The following IGSF10 variants were observed in gnomAD, a reference collection of about 807,000 sequenced individuals.
IGSF10 encodes immunoglobulin superfamily member 10.
In IGSF10, 126 loss-of-function variants were observed where a neutral mutation model predicts 128.2. The ratio of observed to expected loss-of-function variants is 0.98; its 90% CI spans 0.85 to 1.14. IGSF10 has a LOEUF of 1.14. Among genes scored for constraint, IGSF10 ranks in the 50% most tolerant of loss-of-function variants. The probability of loss-of-function intolerance (pLI) is 0.00; values close to 1 mark genes in which losing one functional copy is unlikely to be tolerated. For synonymous variants in IGSF10, 1,185 were observed against 1,146.2 expected, an observed-to-expected ratio of 1.03 and a Z score of -0.68; for missense variants, 3,295 against 3,149.8, an observed-to-expected ratio of 1.05 and a Z score of -1.10.
At chr3:151,551,442 C>T in the IGSF10 span, among the ~76,000 whole-genome samples, 1 of 151,860 alleles carries the variant, frequency 6.6e-6, no homozygotes, top group Non-Finnish European at 1.5e-5. Context: ...TTTGCATCAC[C>T]TCAATAACGC....
At chr3:151,504,293 C>T in the IGSF10 span, among the ~76,000 whole-genome samples, 3 of 152,204 alleles carry the variant, frequency 2.0e-5, no homozygotes, top group East Asian at 5.8e-4. Flanking sequence ...CATAATTTTT[C>T]TCACTGTTAT....
the IGSF10 span, among the ~76,000 whole-genome samples, chr3:151,544,018 T>C: frequency 6.6e-6 from 1 of 152,180 alleles, no homozygotes; most frequent in African/African-American, 2.4e-5. Flanking sequence ...CAAGCAATTC[T>C]CCTGCCTCAG....
the IGSF10 span, among the ~76,000 whole-genome samples, chr3:151,481,123 G>T: frequency 6.6e-6 from 1 of 152,100 alleles, no homozygotes; most frequent in Non-Finnish European, 1.5e-5. Flanking sequence ...AGATCCAGAG[G>T]CTCTGCTGAC....
the IGSF10 span, among the ~76,000 whole-genome samples, chr3:151,597,434 A>G: frequency 6.6e-6 from 1 of 152,228 alleles, no homozygotes; most frequent in Non-Finnish European, 1.5e-5. Flanking sequence ...AGGATAAGTA[A>G]ATAAAGATGA....
At chr3:151,608,672 C>A in the IGSF10 span, among the ~76,000 whole-genome samples, 2 of 152,102 alleles carry the variant, frequency 1.3e-5, no homozygotes, top group Non-Finnish European at 2.9e-5. Context: ...GTCCTTCAGT[C>A]CTTCTTTTAT....
the IGSF10 span, among the ~76,000 whole-genome samples, chr3:151,542,583 C>T: frequency 6.6e-6 from 1 of 152,018 alleles, no homozygotes; most frequent in Non-Finnish European, 1.5e-5. Context: ...ACATTTCTTT[C>T]CTTGTTTTTC....
chr3:151,496,556 G>GGGTATATGTGCCACA, the IGSF10 span, among the ~76,000 whole-genome samples: 1 of 34,908 alleles, frequency 2.9e-5, no homozygotes, highest in Non-Finnish European at 5.1e-5. Flanking sequence ...GTATTCCATG[G>GGGTATATGTGCCACA]TTTCCTTAAT....
the IGSF10 span, among the ~76,000 whole-genome samples, chr3:151,558,027 A>ATATATATAT: frequency 3.8e-5 from 2 of 52,932 alleles, no homozygotes; most frequent in Non-Finnish European, 6.7e-5. Flanking sequence ...TAATATATAT[A>ATATATATAT]TTGGTACAAT....
chr3:151,539,728 T>C, the IGSF10 span, among the ~76,000 whole-genome samples: 2 of 152,274 alleles, frequency 1.3e-5, no homozygotes, highest in East Asian at 3.9e-4. Context: ...TGATTATTCT[T>C]AGGCTGTAAT....
chr3:151,510,711 T>C, the IGSF10 span, among the ~76,000 whole-genome samples: 11 of 151,974 alleles, frequency 7.2e-5, no homozygotes, highest in South Asian at 1.0e-3. Flanking sequence ...AGTTAAAAAC[T>C]TTGAAAAAAA....
At chr3:151,501,483 GATT>G in the IGSF10 span, among the ~76,000 whole-genome samples, 1 of 151,970 alleles carries the variant, frequency 6.6e-6, no homozygotes, top group Non-Finnish European at 1.5e-5. Context: ...TGGTACCCGA[GATT>G]ATTATCATTC....
Position 151,437,511 on chromosome 3 carries a change from CTG to C in IGSF10, c.7048_7049del (p.Gln2350AlafsTer12). On this transcript the variant is annotated frameshift_variant, in exon 8 of 8. Transcript: ENST00000282466. LOFTEE classifies it low-confidence loss of function (END_TRUNC). ...AATTCAATGCTGTGGACTTTCCCAG[CTG>C]GGCAACTATTTTTTCATTAAATGGA... Reference protein sequence around the residue: ...RNPFNEKIVAQLGKSTALNCS... With the variant: ...RNPFNEKIVAXLGKSTALNCS... 2.5e-6 allele frequency: 4 copies of C among 1,614,170 alleles called. No individual in the cohort carries two copies. Among genetic ancestry groups the C allele is most frequent in the Non-Finnish European group, 3.4e-6 (4 of 1,180,036 alleles).
At chr3:151,497,443 C>T in the IGSF10 span, among the ~76,000 whole-genome samples, 4 of 152,126 alleles carry the variant, frequency 2.6e-5, no homozygotes, top group Admixed American at 2.6e-4. Flanking sequence ...ATCCCTTCCC[C>T]ATTGCTTGTT....
chr3:151,466,235 G>C, the IGSF10 span, among the ~76,000 whole-genome samples: 1 of 152,022 alleles, frequency 6.6e-6, no homozygotes, highest in African/African-American at 2.4e-5. Flanking sequence ...GAAATACCAG[G>C]TGACCAGGCG....
At chr3:151,435,009 A>ATTACT (rs894900328), downstream of IGSF10, 2 of 150,910 alleles carry the variant, frequency 1.3e-5, no homozygotes, top group Non-Finnish European at 2.9e-5. Context: ...AATAACTAGA[A>ATTACT]TTACTTTAGT....
At position 151,441,933 on chromosome 3, in the gene IGSF10, T is replaced by C. The variant is rs370054706; in HGVS notation, c.5963+1051A>G. On this transcript the variant is annotated intron_variant, in intron 7 of 7. Transcript: ENST00000282466. ...AAAATTAGTCGGATGTGGTGGCGGGTGCCTGTGGTCCCAGCTACTCAGGAG... is the reference window on the plus strand; with the variant it reads ...AAAATTAGTCGGATGTGGTGGCGGGCGCCTGTGGTCCCAGCTACTCAGGAG... Among the ~76,000 whole-genome samples, 1,426 of 152,208 alleles carry C rather than the reference T, an allele frequency of 9.4e-3. 12 individuals are homozygous for C. Among genetic ancestry groups the C allele is most frequent in the African/African-American group, 0.028 (1,164 of 41,542 alleles).
the IGSF10 span, among the ~76,000 whole-genome samples, chr3:151,481,606 T>C: frequency 6.6e-6 from 1 of 152,130 alleles, no homozygotes; most frequent in South Asian, 2.1e-4. Context: ...GAGAAATGCA[T>C]TCACTTGTGC....
chr3:151,519,403 CTCA>C, the IGSF10 span, among the ~76,000 whole-genome samples: 1 of 151,746 alleles, frequency 6.6e-6, no homozygotes, highest in Non-Finnish European at 1.5e-5. Flanking sequence ...ATCCTCTTTC[CTCA>C]TCATTTTTGT....
In IGSF10 at chr3:151,438,228, T is replaced by TA; in HGVS notation, c.6332dup (p.Ala2112SerfsTer18). On this transcript the variant is annotated frameshift_variant, in exon 8 of 8. Transcript: ENST00000282466. LOFTEE classifies it low-confidence loss of function (END_TRUNC). ...AGCAAGTATAATCTCCTTCCTCCGC[T>TA]ACCCCAACTTTGTTGAAGTATAAAG... The TA allele has an allele frequency of 6.2e-7, 1 of 1,614,222 alleles. No individual in the cohort carries two copies. The highest frequency in any genetic ancestry group is 1.1e-5 in the South Asian group (1 of 91,088).
Sources: gnomAD v4.1 joint callset for allele counts (sites outside exome capture counted in the v4.1 genomes callset) on GRCh38, gnomAD v4.1.1 for gene constraint, MANE v1.5 for transcripts, NCBI Gene and HGNC (gene_info 2026-07-23, HGNC 2026-07-21) for gene names.